The following ARSH variants were observed in gnomAD, a reference collection of about 807,000 sequenced individuals.
ARSH encodes arylsulfatase family member H.
ARSH carries 32 observed loss-of-function variants against 28.7 expected under a neutral mutation model. The ratio of observed to expected loss-of-function variants is 1.11; its 90% CI spans 0.84 to 1.50. The LOEUF (loss-of-function observed/expected upper bound fraction) is 1.50. ARSH is among the 40% of genes most tolerant of loss of function. ARSH has a pLI of 0.00. For synonymous variants in ARSH, 176 were observed against 177.3 expected, an observed-to-expected ratio of 0.99 and a Z score of 0.06; for missense variants, 440 against 452.4, an observed-to-expected ratio of 0.97 and a Z score of 0.25.
At position 3,018,636 on chromosome X, in the gene ARSH, T is replaced by C. The variant is rs764482307; in HGVS notation, c.867T>C (p.Tyr289=). Reference sequence around the variant, plus strand: ...TTGGGCGCAGTAAATATGGCAGGTATGGGGACAATGTAGAAGAAATGGATT... The same window carrying C: ...TTGGGCGCAGTAAATATGGCAGGTACGGGGACAATGTAGAAGAAATGGATT... ...KFVGRSKYGR[Y]GDNVEEMDWM... Residue 289 remains tyrosine, a synonymous_variant, in exon 5 of 9, where the codon TAT becomes TAC. Coordinates refer to ENST00000381130, the MANE Select transcript of ARSH (RefSeq NM_001011719.2). 8.3e-7 allele frequency: 1 copy of C among 1,210,744 alleles called. No homozygotes were observed. The highest frequency in any genetic ancestry group is 1.8e-5 in the South Asian group (1 of 56,911).
chrX:3,013,899 C>T (rs149208716), intron 3 of ARSH, among the ~76,000 whole-genome samples: 3,961 of 111,299 alleles, frequency 0.036, 173 homozygotes, highest in African/African-American at 0.12. Flanking sequence ...TAGCTTTGAG[C>T]AGCGTTCTTA....
In ARSH at chrX:3,014,350, A is replaced by G. The variant is rs150710424; in HGVS notation, c.341-620A>G. On this transcript the variant is annotated intron_variant, in intron 3 of 8. Transcript: ENST00000381130. ...TGAATATAATAATGTGTGCGGACAA[A>G]TCAGAACGTGACCTGGCCCCCTAGA... Among the ~76,000 whole-genome samples, 106 of 111,779 alleles carry G rather than the reference A, an allele frequency of 9.5e-4. 1 individual carries two copies. The East Asian group carries it at 0.026, about 28-fold the overall frequency.
In ARSH at chrX:3,027,298, A is replaced by G; in HGVS notation, c.1037-15A>G. ...TTTAACTCATCTTTGGTTGTGTCGT[A>G]ATCTTTGGTTTTAGGTGGCAAAGGA... is the stretch of plus-strand genomic sequence containing the variant. On this transcript the variant is annotated splice_polypyrimidine_tract_variant and intron_variant, in intron 6 of 8. Coordinates refer to ENST00000381130, the MANE Select transcript of ARSH (RefSeq NM_001011719.2). 1.7e-6 allele frequency: 2 copies of G among 1,209,281 alleles called. No homozygotes were observed. The highest frequency in any genetic ancestry group is 2.2e-6 in the Non-Finnish European group (2 of 894,577).
At chrX:3,013,266 G>A in intron 3 of ARSH, 94 bp downstream of exon 3, 2 of 1,009,158 alleles carry the variant, frequency 2.0e-6, no homozygotes, top group East Asian at 3.3e-5. Context: ...CTTTGTGCGC[G>A]CCAGTTTGAC....
intron 7 of ARSH, 135 bp downstream of exon 7, chrX:3,027,610 G>A (rs747880929): frequency 3.0e-4 from 202 of 676,648 alleles, no homozygotes; most frequent in Non-Finnish European, 3.9e-4. Context: ...AGGGCCAGAT[G>A]TCTTTCTCCC....
Position 3,019,048 on chromosome X carries a change from T to G in ARSH, c.901+378T>G, listed in dbSNP as rs372912820. Among the ~76,000 whole-genome samples, 56 of 111,155 alleles carry G rather than the reference T, an allele frequency of 5.0e-4. 1 individual carries two copies. In the South Asian group the frequency reaches 0.019, roughly 38 times the overall value. Reference sequence around the variant, plus strand: ...GAAAGGCCAAGGCTGGCAGATCACTTGAGGTCAGGAGTTCTAGACCAGCCT... The same window carrying G: ...GAAAGGCCAAGGCTGGCAGATCACTGGAGGTCAGGAGTTCTAGACCAGCCT... On this transcript the variant is annotated intron_variant, in intron 5 of 8. Transcript: ENST00000381130.
At position 3,010,120 on chromosome X, in the gene ARSH, C is replaced by T. The variant is rs770976336; in HGVS notation, c.183C>T (p.Ala61=). 2 of 1,209,661 alleles carry T rather than the reference C, an allele frequency of 1.7e-6. No homozygotes were observed. The highest frequency in any genetic ancestry group is 1.7e-5 in the African/African-American group (1 of 57,197). Residue 61 remains alanine (A), a synonymous_variant, in exon 2 of 9, where the codon GCC becomes GCT. Transcript: ENST00000381130. ...AASMCTPSRA[A]FLTGRYPIRS... is the part of the protein sequence containing the mutation. ...CCATGTGCACCCCAAGTCGGGCTGC[C>T]TTCCTGACCGGCCGGTACCCCATCA...
intron 5 of ARSH, among the ~76,000 whole-genome samples, 183 bp downstream of exon 5, chrX:3,018,853 T>C (rs1346783668): frequency 8.9e-6 from 1 of 112,262 alleles, no homozygotes; most frequent in East Asian, 2.8e-4. Context: ...CAGTGAAATA[T>C]ATTCCCCAAG....
intron 8 of ARSH, among the ~76,000 whole-genome samples, chrX:3,031,055 G>A (rs772190433): frequency 1.3e-4 from 14 of 110,407 alleles, no homozygotes; most frequent in African/African-American, 4.6e-4. Flanking sequence ...AGGAGGCTGA[G>A]TGGGAAGTTT....
intron 1 of ARSH, among the ~76,000 whole-genome samples, 159 bp from the exon 2 acceptor site, chrX:3,009,871 T>A (rs1041401988): frequency 2.7e-5 from 3 of 112,067 alleles, no homozygotes; most frequent in Non-Finnish European, 5.6e-5. Flanking sequence ...TAACCATCAA[T>A]GCATATAAGG....
In ARSH at chrX:3,015,240, C is replaced by T. The variant is rs1569123365; in HGVS notation, c.611C>T (p.Ala204Val). ...WKVIFVFALL[A>V]FLFFTSWYSS... ...GTCATCTTTGTCTTTGCTCTCCTCG[C>T]CTTTCTGTTTTTCACTTCCTGGTAC... The change falls in exon 4 of 9, where the codon GCC becomes GTC. Residue 204 changes from alanine (A) to valine (V), a missense_variant. Transcript: ENST00000381130. The T allele has an allele frequency of 1.7e-6, 2 of 1,211,238 alleles. No homozygotes were observed. The highest frequency in any genetic ancestry group is 3.0e-5 in the East Asian group (1 of 33,827).
chrX:3,026,817 G>A (rs1401613715), intron 6 of ARSH, among the ~76,000 whole-genome samples: 1 of 110,421 alleles, frequency 9.1e-6, no homozygotes, highest in East Asian at 2.8e-4. Context: ...TCATTATAAT[G>A]TGGATAAAAC....
At chrX:3,013,852 C>A (rs1199740645) in intron 3 of ARSH, among the ~76,000 whole-genome samples, 1 of 111,441 alleles carries the variant, frequency 9.0e-6, no homozygotes, top group Admixed American at 9.6e-5. Context: ...TCCCATGCAA[C>A]TCCCAGCAGC....
chrX:3,029,376 T>C lies in ARSH; in HGVS notation c.1321+8T>C, dbSNP rs2089907696. The C allele has an allele frequency of 1.7e-6, 2 of 1,207,006 alleles. No individual in the cohort carries two copies. Among genetic ancestry groups the C allele is most frequent in the South Asian group, 1.8e-5 (1 of 55,866 alleles). On this transcript the variant is annotated splice_region_variant and intron_variant, in intron 8 of 8. Coordinates refer to ENST00000381130, the MANE Select transcript of ARSH (RefSeq NM_001011719.2). ...GGTGGCATCAGAAGGACTGTAAGTATGAAGGCTGTGGACACGTGGAAAGAC... is the reference window on the plus strand; with the variant it reads ...GGTGGCATCAGAAGGACTGTAAGTACGAAGGCTGTGGACACGTGGAAAGAC...
chrX:3,024,003 G>A lies in ARSH; in HGVS notation c.902-18G>A, dbSNP rs933441684. The A allele has an allele frequency of 1.7e-6, 2 of 1,209,123 alleles. No homozygotes were observed. The highest frequency in any genetic ancestry group is 2.2e-6 in the Non-Finnish European group (2 of 894,408). Reference sequence around the variant, plus strand: ...TGCATCAAGAGGTCAACGTCTTTGTGTCTCTGACCCTCTCCAGGTAAAATC... The same window carrying A: ...TGCATCAAGAGGTCAACGTCTTTGTATCTCTGACCCTCTCCAGGTAAAATC... On this transcript the variant is annotated intron_variant, in intron 5 of 8. Transcript: ENST00000381130.
intron 4 of ARSH, among the ~76,000 whole-genome samples, chrX:3,016,637 G>A (rs1216991149): frequency 9.0e-6 from 1 of 111,396 alleles, no homozygotes; most frequent in Non-Finnish European, 1.9e-5. Flanking sequence ...GAGTGCAGTG[G>A]TGCAATCATA....
intron 7 of ARSH, 82 bp downstream of exon 7, chrX:3,027,557 G>A (rs2089902578): frequency 5.1e-6 from 5 of 971,889 alleles, no homozygotes; most frequent in South Asian, 2.3e-5. Flanking sequence ...ATGTGTGTGT[G>A]TATGTACATA....
chrX:3,029,401 C>T (rs761581084), intron 8 of ARSH, 33 bp downstream of exon 8: 16 of 1,186,473 alleles, frequency 1.3e-5, no homozygotes, highest in Middle Eastern at 2.4e-4. Context: ...CGTGGAAAGA[C>T]GATAAGGGCC....
intron 5 of ARSH, among the ~76,000 whole-genome samples, chrX:3,020,475 GC>G (rs1447369239): frequency 2.9e-5 from 3 of 103,674 alleles, no homozygotes; most frequent in African/African-American, 1.1e-4. Flanking sequence ...TGTAGTCCCA[GC>G]TACTCCGGAG....
Sources: gnomAD v4.1 joint callset for allele counts (sites outside exome capture counted in the v4.1 genomes callset) on GRCh38, gnomAD v4.1.1 for gene constraint, MANE v1.5 for transcripts, NCBI Gene and HGNC (gene_info 2026-07-23, HGNC 2026-07-21) for gene names.